Variants in PRKACB observed in about 807,000 individuals in gnomAD.
PRKACB encodes the protein cAMP-dependent protein kinase catalytic subunit beta.
In PRKACB, 16 loss-of-function variants were observed where a neutral mutation model predicts 51.4. That is an observed-to-expected ratio of 0.31 (90% CI 0.21 to 0.47). PRKACB has a LOEUF of 0.47. PRKACB is among the 20% of genes least tolerant of loss of function. The probability of loss-of-function intolerance (pLI) is 1.00; values close to 1 mark genes in which losing one functional copy is unlikely to be tolerated. For missense variants in PRKACB, 309 were observed against 464.5 expected, an observed-to-expected ratio of 0.67 and a Z score of 3.08; for synonymous variants, 147 against 154.4, an observed-to-expected ratio of 0.95 and a Z score of 0.35.
chr1:84,194,046 G>A (rs1667530577), intron 5 of PRKACB, among the ~76,000 whole-genome samples: 1 of 152,148 alleles, frequency 6.6e-6, no homozygotes, highest in African/African-American at 2.4e-5. Context: ...TTAATATAGT[G>A]TCAGGCACTG....
At chr1:84,161,665 C>A (rs1434696626) in intron 1 of PRKACB, among the ~76,000 whole-genome samples, 1 of 151,658 alleles carries the variant, frequency 6.6e-6, no homozygotes, top group African/African-American at 2.4e-5. Flanking sequence ...TATAATTTAT[C>A]TTATCATAGT....
intron 8 of PRKACB, among the ~76,000 whole-genome samples, chr1:84,207,984 C>T (rs1348729498): frequency 6.6e-6 from 1 of 152,174 alleles, no homozygotes; most frequent in African/African-American, 2.4e-5. Context: ...TCTCCTGCCT[C>T]AGCCTCCTGA....
chr1:84,169,640 TTGAA>T (rs1658734808), intron 1 of PRKACB, among the ~76,000 whole-genome samples: 1 of 151,610 alleles, frequency 6.6e-6, no homozygotes, highest in Non-Finnish European at 1.5e-5. Context: ...ATTTTACAAA[TTGAA>T]TGGATAGCAT....
At chr1:84,086,322 G>T in intron 1 of PRKACB, 1 of 821,768 alleles carries the variant, frequency 1.2e-6, no homozygotes, top group South Asian at 1.6e-5. Context: ...TCTGGCCCCT[G>T]GGGCCCAGGC....
chr1:84,215,611 A>G (rs1336969959), intron 9 of PRKACB, among the ~76,000 whole-genome samples: 1 of 151,912 alleles, frequency 6.6e-6, no homozygotes, highest in African/African-American at 2.4e-5. Context: ...TAGAGAAGAA[A>G]CCCCAGCTAA....
In PRKACB at chr1:84,235,368, G is replaced by C; in HGVS notation, c.*63G>C. The C allele has an allele frequency of 1.3e-6, 2 of 1,598,116 alleles. No homozygotes were observed. The highest frequency in any genetic ancestry group is 1.7e-6 in the Non-Finnish European group (2 of 1,171,894). ...TTGCACTCTGTTGAGAGATAAGGTA[G>C]AGCTGAGACCGTCCTTGTTGAAGCA... On this transcript the variant is annotated 3_prime_UTR_variant, in exon 10 of 10. Transcript: ENST00000370685.
intron 1 of PRKACB, among the ~76,000 whole-genome samples, chr1:84,096,760 A>T (rs1488825127): frequency 6.6e-6 from 1 of 152,184 alleles, no homozygotes; most frequent in East Asian, 1.9e-4. Flanking sequence ...AATCTGTGCA[A>T]TGAATCATAG....
At chr1:84,181,043 CTTAAAATTATT>C (rs775590141) in intron 2 of PRKACB, among the ~76,000 whole-genome samples, 6 of 151,896 alleles carry the variant, frequency 4.0e-5, no homozygotes, top group Non-Finnish European at 7.4e-5. Context: ...CTTATGACTA[CTTAAAATTATT>C]TTAAATTTTA....
At chr1:84,124,454 G>A (rs1354787327) in intron 1 of PRKACB, among the ~76,000 whole-genome samples, 1 of 152,146 alleles carries the variant, frequency 6.6e-6, no homozygotes, top group African/African-American at 2.4e-5. Context: ...TGAAGAGTGA[G>A]GTTTTCAGGT....
At chr1:84,179,388 C>T (rs962894237) in intron 2 of PRKACB, 150 bp downstream of exon 2, 1 of 954,416 alleles carries the variant, frequency 1.0e-6, no homozygotes, top group Non-Finnish European at 1.4e-6. Context: ...CATAGTTATA[C>T]TTTGATGTAT....
In PRKACB at chr1:84,235,284, A is replaced by G. The variant is rs766485273; in HGVS notation, c.1176A>G (p.Ala392=). Residue 392 remains alanine (A), a synonymous_variant, in exon 10 of 10, where the codon GCA becomes GCG. Transcript: ENST00000370685. ...DIRVSITEKC[A]KEFGEF ...GTGTCTCTATAACAGAAAAATGTGC[A>G]AAAGAATTTGGTGAATTTTAAAGAG... is the stretch of plus-strand genomic sequence containing the variant. 1.1e-5 allele frequency: 17 copies of G among 1,614,024 alleles called. No individual in the cohort carries two copies. Among genetic ancestry groups the G allele is most frequent in the Non-Finnish European group, 1.4e-5 (17 of 1,180,016 alleles).
chr1:84,208,581 T>C (rs1671689594), intron 8 of PRKACB, among the ~76,000 whole-genome samples: 1 of 152,210 alleles, frequency 6.6e-6, no homozygotes, highest in Non-Finnish European at 1.5e-5. Context: ...CAATGACTTT[T>C]CTAGCACAGA....
chr1:84,141,104 T>G (rs184970603), upstream of PRKACB, among the ~76,000 whole-genome samples: 166 of 152,180 alleles, frequency 1.1e-3, no homozygotes, highest in African/African-American at 3.9e-3. Context: ...CTCTGAAAAT[T>G]TCTATAATTT....
At chr1:84,092,901 G>T (rs1214629277) in intron 1 of PRKACB, among the ~76,000 whole-genome samples, 4 of 145,690 alleles carry the variant, frequency 2.7e-5, no homozygotes, top group Non-Finnish European at 1.5e-5. Context: ...TTTTTTTTCA[G>T]GTATTTCCCC....
chr1:84,171,119 ATAAT>A (rs935831980), intron 1 of PRKACB, among the ~76,000 whole-genome samples: 1 of 151,602 alleles, frequency 6.6e-6, no homozygotes, highest in Non-Finnish European at 1.5e-5. Flanking sequence ...AACTTACCAA[ATAAT>A]TAACTCGTAA....
At chr1:84,169,322 A>C (rs975549162) in intron 1 of PRKACB, among the ~76,000 whole-genome samples, 3 of 151,670 alleles carry the variant, frequency 2.0e-5, no homozygotes, top group African/African-American at 7.3e-5. Flanking sequence ...GAACTAAGAC[A>C]TGAAACAAAG....
chr1:84,159,877 C>G (rs529943070), intron 1 of PRKACB, among the ~76,000 whole-genome samples: 1 of 151,968 alleles, frequency 6.6e-6, no homozygotes, highest in African/African-American at 2.4e-5. Flanking sequence ...TAACATAGTT[C>G]GTTAATTGAT....
chr1:84,078,464 G>C, intron 1 of PRKACB: 1 of 1,470,624 alleles, frequency 6.8e-7, no homozygotes, highest in Non-Finnish European at 9.2e-7. Context: ...CCGCGGGCAC[G>C]GGCCAGGCCT....
chr1:84,214,970 T>C (rs181267689), intron 9 of PRKACB, among the ~76,000 whole-genome samples: 94 of 152,344 alleles, frequency 6.2e-4, no homozygotes, highest in African/African-American at 2.1e-3. Flanking sequence ...GGAAGATATA[T>C]AAATAAATGT....
Sources: gnomAD v4.1 joint callset for allele counts (sites outside exome capture counted in the v4.1 genomes callset) on GRCh38, gnomAD v4.1.1 for gene constraint, MANE v1.5 for transcripts, NCBI Gene and HGNC (gene_info 2026-07-23, HGNC 2026-07-21) for gene names.